Variants in COBL observed in about 807,000 individuals in gnomAD.
COBL encodes cordon-bleu WH2 repeat protein, also known as protein cordon-bleu.
In COBL, 51 loss-of-function variants were observed where a neutral mutation model predicts 98.8. That is an observed-to-expected ratio of 0.52 (90% CI 0.41 to 0.65). COBL has a LOEUF of 0.65. Among genes scored for constraint, COBL ranks in the 30% least tolerant of loss-of-function variants. The pLI, the probability that COBL is intolerant of heterozygous loss-of-function variation, is 0.00. For synonymous variants in COBL, 634 were observed against 651.7 expected, an observed-to-expected ratio of 0.97 and a Z score of 0.41; for missense variants, 1,617 against 1,617.5, an observed-to-expected ratio of 1.00 and a Z score of 0.01.
chr7:51,274,903 T>C (rs13222665), intron 1 of COBL, among the ~76,000 whole-genome samples: 46,854 of 152,194 alleles, frequency 0.31, 9,141 homozygotes, highest in Non-Finnish European at 0.43. Flanking sequence ...AATTCTCTGA[T>C]AGCAATCATT....
chr7:51,189,849 A>AAT (rs1275601714), intron 4 of COBL, among the ~76,000 whole-genome samples: 1 of 152,220 alleles, frequency 6.6e-6, no homozygotes, highest in South Asian at 2.1e-4. Context: ...AAGGTCAAGG[A>AAT]ATATAACATT....
chr7:51,140,920 T>C (rs947041231), intron 5 of COBL, among the ~76,000 whole-genome samples: 19 of 152,176 alleles, frequency 1.2e-4, no homozygotes, highest in East Asian at 1.9e-4. Flanking sequence ...CAGACTGCCA[T>C]GGTCCATTTC....
At chr7:51,138,495 T>C (rs1322325477) in intron 5 of COBL, among the ~76,000 whole-genome samples, 1 of 152,188 alleles carries the variant, frequency 6.6e-6, no homozygotes, top group East Asian at 1.9e-4. Context: ...TTTTGCTGGA[T>C]GGCTGGTTTG....
intron 6 of COBL, among the ~76,000 whole-genome samples, chr7:51,087,193 C>A (rs551404917): frequency 1.4e-3 from 215 of 151,492 alleles, no homozygotes; most frequent in Non-Finnish European, 1.1e-3. Context: ...CTCCATTTTC[C>A]AAAAAATTAT....
Position 51,065,130 on chromosome 7 carries a change from C to A in COBL, c.1096+20036G>T, listed in dbSNP as rs961887317. 53 of 695,782 alleles carry A rather than the reference C, an allele frequency of 7.6e-5. 1 individual carries two copies. In the African/African-American group the frequency reaches 7.9e-4, roughly 10 times the overall value. The allele number at this position is 695,782 out of a possible 1,614,324, so 43.1% of individuals were successfully genotyped here. On this transcript the variant is annotated intron_variant, in intron 7 of 12. Coordinates refer to ENST00000265136, the MANE Select transcript of COBL (RefSeq NM_015198.5). ...CAAGCACACAGAGGATAGAAAAAAA[C>A]AAGTGTTAGCTGATTAGGGATTGTC...
chr7:51,221,360 A>T (rs1488670188), intron 1 of COBL, among the ~76,000 whole-genome samples: 1 of 152,364 alleles, frequency 6.6e-6, no homozygotes, highest in East Asian at 1.9e-4. Context: ...GCATTGTGGG[A>T]GGCTCAAAGA....
intron 1 of COBL, among the ~76,000 whole-genome samples, chr7:51,311,571 C>T (rs1387081061): frequency 2.0e-5 from 3 of 152,094 alleles, no homozygotes; most frequent in Admixed American, 1.3e-4. Context: ...CAGCAAGAGA[C>T]AGATGAAAAA....
rs1798527231 is a variant in COBL at position 51,129,385 on chromosome 7, A to G, written c.957+6773T>C. On this transcript the variant is annotated intron_variant, in intron 6 of 12. Coordinates refer to ENST00000265136, the MANE Select transcript of COBL (RefSeq NM_015198.5). ...AATCCCATCATGAGGTTCAACCCTC[A>G]TGACCTCATCACTCCCCAAACATTA... Among the ~76,000 whole-genome samples, 2 of 151,956 alleles carry G rather than the reference A, an allele frequency of 1.3e-5. 1 individual carries two copies. Among genetic ancestry groups the G allele is most frequent in the African/African-American group, 4.8e-5 (2 of 41,406 alleles).
At chr7:51,128,094 T>C (rs766956997) in intron 6 of COBL, among the ~76,000 whole-genome samples, 2 of 152,232 alleles carry the variant, frequency 1.3e-5, no homozygotes, top group Admixed American at 6.5e-5. Context: ...CCCACCTTGA[T>C]GGCGACACCT....
chr7:51,067,856 C>T (rs1792102421), intron 7 of COBL, among the ~76,000 whole-genome samples: 2 of 152,204 alleles, frequency 1.3e-5, no homozygotes, highest in African/African-American at 4.8e-5. Flanking sequence ...ATCAGGGTTC[C>T]CCCTGGTGGC....
intron 5 of COBL, among the ~76,000 whole-genome samples, chr7:51,163,572 TTTGA>T (rs1787020743): frequency 6.6e-6 from 1 of 152,202 alleles, no homozygotes; most frequent in Non-Finnish European, 1.5e-5. Flanking sequence ...GCCTTATTAC[TTTGA>T]TTCATAGGAA....
chr7:51,026,125 G>A (rs997986389), intron 11 of COBL, among the ~76,000 whole-genome samples: 3 of 152,284 alleles, frequency 2.0e-5, no homozygotes, highest in East Asian at 1.9e-4. Context: ...CCCTAAACTC[G>A]AGTCCATACT....
intron 5 of COBL, among the ~76,000 whole-genome samples, chr7:51,166,791 T>C (rs573363989): frequency 6.6e-6 from 1 of 152,296 alleles, no homozygotes; most frequent in Admixed American, 6.5e-5. Flanking sequence ...GATGCAAGGA[T>C]AGTTCAACAT....
intron 1 of COBL, among the ~76,000 whole-genome samples, chr7:51,305,665 G>C (rs1802389970): frequency 6.6e-6 from 1 of 152,128 alleles, no homozygotes; most frequent in African/African-American, 2.4e-5. Flanking sequence ...TAGGCCCCAG[G>C]AGAGCCAAGA....
At chr7:51,151,897 T>C (rs1785599898) in intron 5 of COBL, among the ~76,000 whole-genome samples, 1 of 152,236 alleles carries the variant, frequency 6.6e-6, no homozygotes, top group African/African-American at 2.4e-5. Flanking sequence ...CCACCAGCTG[T>C]TCACCAATGG....
chr7:51,221,806 G>A (rs1793667108), intron 1 of COBL, among the ~76,000 whole-genome samples: 1 of 152,188 alleles, frequency 6.6e-6, no homozygotes, highest in Non-Finnish European at 1.5e-5. Context: ...CATTTAAAAC[G>A]ACAGCAAAAG....
intron 7 of COBL, among the ~76,000 whole-genome samples, chr7:51,059,992 C>T (rs990549023): frequency 1.3e-5 from 2 of 152,158 alleles, no homozygotes; most frequent in Non-Finnish European, 2.9e-5. Flanking sequence ...TGAATAAACC[C>T]TCCACAGGCC....
At chr7:51,083,923 G>T (rs1165103253) in intron 7 of COBL, among the ~76,000 whole-genome samples, 1 of 152,122 alleles carries the variant, frequency 6.6e-6, no homozygotes, top group African/African-American at 2.4e-5. Flanking sequence ...ATTTACAGTG[G>T]ATGCCACTTA....
chr7:51,156,285 C>T, intron 5 of COBL: 1 of 985,036 alleles, frequency 1.0e-6, no homozygotes, highest in East Asian at 1.1e-4. Flanking sequence ...TTCTTTTCCT[C>T]TTTTTTATCT....
Sources: allele counts gnomAD v4.1 joint callset (sites outside exome capture counted in the v4.1 genomes callset), GRCh38; gene constraint gnomAD v4.1.1; transcripts MANE v1.5; gene names NCBI Gene and HGNC (gene_info 2026-07-23, HGNC 2026-07-21).